The following ANKRD11 variants were observed in gnomAD, a reference collection of about 807,000 sequenced individuals.
ANKRD11 encodes the protein ankyrin repeat domain-containing protein 11.
ANKRD11 carries 17 observed loss-of-function variants against 195.7 expected under a neutral mutation model. That is an observed-to-expected ratio of 0.09 (90% CI 0.06 to 0.13). The LOEUF is 0.13. Among genes scored for constraint, ANKRD11 ranks in the 10% least tolerant of loss-of-function variants. ANKRD11 has a pLI of 1.00. For missense variants in ANKRD11, 3,735 were observed against 3,566.1 expected (o/e 1.05, Z -1.21); for synonymous variants, 1,953 against 1,528.1 (o/e 1.28, Z -6.49).
At chr16:89,437,346 C>A (rs2043257517) in intron 1 of ANKRD11, among the ~76,000 whole-genome samples, 1 of 152,244 alleles carries the variant, frequency 6.6e-6, no homozygotes, top group South Asian at 2.1e-4. Flanking sequence ...TTTGCCCCAA[C>A]ATCTGTTTTC....
intron 1 of ANKRD11, among the ~76,000 whole-genome samples, chr16:89,478,044 A>T (rs897069009): frequency 3.9e-5 from 6 of 152,234 alleles, no homozygotes; most frequent in Non-Finnish European, 5.9e-5. Flanking sequence ...ATGGCTTCAA[A>T]AGAAGCCCAA....
chr16:89,366,369 G>C (rs2039952312), intron 2 of ANKRD11, among the ~76,000 whole-genome samples: 1 of 152,120 alleles, frequency 6.6e-6, no homozygotes, highest in East Asian at 1.9e-4. Flanking sequence ...TGGGTCAAAT[G>C]GTAGTTCTGG....
At chr16:89,483,666 G>A (rs1026586869) in intron 1 of ANKRD11, among the ~76,000 whole-genome samples, 11 of 152,014 alleles carry the variant, frequency 7.2e-5, no homozygotes, top group Non-Finnish European at 1.6e-4. Context: ...CCGTCTCTAC[G>A]AAAAATACAA....
chr16:89,311,398 CACA>C (rs1380403755), intron 3 of ANKRD11, among the ~76,000 whole-genome samples: 2 of 152,194 alleles, frequency 1.3e-5, no homozygotes, highest in Non-Finnish European at 2.9e-5. Context: ...ATAGTACTAA[CACA>C]ACAACTGTCT....
At chr16:89,330,325 G>C (rs937763923) in intron 2 of ANKRD11, among the ~76,000 whole-genome samples, 2 of 152,062 alleles carry the variant, frequency 1.3e-5, no homozygotes, top group African/African-American at 4.8e-5. Context: ...GGGAAGGCTC[G>C]GGAGACCTGG....
At chr16:89,295,487 C>A (rs552488212) in intron 4 of ANKRD11, among the ~76,000 whole-genome samples, 1 of 152,358 alleles carries the variant, frequency 6.6e-6, no homozygotes, top group African/African-American at 2.4e-5. Context: ...GAAGATTCCA[C>A]GGAACCCTCT....
chr16:89,388,462 C>T (rs1369063586), intron 2 of ANKRD11, among the ~76,000 whole-genome samples: 2 of 151,846 alleles, frequency 1.3e-5, no homozygotes, highest in South Asian at 2.1e-4. Context: ...TCTTGAAAAT[C>T]GACACGGAAT....
rs531004745 is a variant in ANKRD11 at position 89,425,664 on chromosome 16, G to C, written c.-144-7296C>G. Among the ~76,000 whole-genome samples the C allele has an allele frequency of 2.4e-3, 369 of 152,154 alleles. 6 individuals carry two copies. In the South Asian group the frequency reaches 0.034, roughly 14 times the overall value. On this transcript the variant is annotated intron_variant, in intron 1 of 12. Coordinates refer to ENST00000301030, the MANE Select transcript of ANKRD11 (RefSeq NM_013275.6). ...CCGGTTATTTCGATTTTTTCGGGCT[G>C]GGGGCAGAGAAGGTGCAGTTATTTG... is the stretch of plus-strand genomic sequence containing the variant.
chr16:89,486,844 T>A (rs1223141903), intron 1 of ANKRD11, among the ~76,000 whole-genome samples: 4 of 151,832 alleles, frequency 2.6e-5, no homozygotes, highest in Admixed American at 1.3e-4. Flanking sequence ...CAGTCTCTAC[T>A]AACAATAAAA....
intron 2 of ANKRD11, among the ~76,000 whole-genome samples, chr16:89,374,954 G>A (rs1005377740): frequency 6.6e-6 from 1 of 152,090 alleles, no homozygotes. Context: ...AGTATGTCAT[G>A]AATGTACAAA....
At chr16:89,300,979 G>A (rs1351690718) in intron 4 of ANKRD11, 9 of 659,208 alleles carry the variant, frequency 1.4e-5, no homozygotes, top group African/African-American at 5.4e-5. Flanking sequence ...AGGGAGAAGC[G>A]AGACTCAGGG....
At chr16:89,278,800 G>A (rs2033896098) in intron 9 of ANKRD11, 1 of 641,868 alleles carries the variant, frequency 1.6e-6, no homozygotes, top group Non-Finnish European at 2.9e-6. Flanking sequence ...ACACGAGTGG[G>A]ACCGGGGTGC....
intron 2 of ANKRD11, among the ~76,000 whole-genome samples, chr16:89,325,443 C>CCCTCT (rs1277178881): frequency 1.9e-3 from 245 of 129,188 alleles, no homozygotes; most frequent in African/African-American, 7.4e-3. Flanking sequence ...CTCCCCTCTC[C>CCCTCT]CCTCTCCTCT....
rs1597515379 is a variant in ANKRD11 at position 89,298,604 on chromosome 16, C to T, written c.226+6602G>A. Reference sequence around the variant, plus strand: ...CCACCTTTATCCTGAGTCCCGGGGTCCTCCATCAAATCGCTGAGCCTCGGG... The same window carrying T: ...CCACCTTTATCCTGAGTCCCGGGGTTCTCCATCAAATCGCTGAGCCTCGGG... On this transcript the variant is annotated intron_variant, in intron 4 of 12. Coordinates refer to ENST00000301030, the MANE Select transcript of ANKRD11 (RefSeq NM_013275.6). 2.0e-5 allele frequency among the ~76,000 whole-genome samples: 3 copies of T among 152,222 alleles called. No individual in the cohort carries two copies. The South Asian group carries it at 6.2e-4, about 31-fold the overall frequency.
chr16:89,462,245 G>A (rs1168728435), intron 1 of ANKRD11, among the ~76,000 whole-genome samples: 3 of 152,204 alleles, frequency 2.0e-5, no homozygotes, highest in African/African-American at 7.2e-5. Flanking sequence ...ACGCCTGACT[G>A]GTTTTGGTGG....
intron 2 of ANKRD11, among the ~76,000 whole-genome samples, chr16:89,396,814 G>A (rs2041455906): frequency 6.6e-6 from 1 of 152,112 alleles, no homozygotes; most frequent in Non-Finnish European, 1.5e-5. Context: ...AGCCTCCCGA[G>A]TAGCTGGGAC....
At chr16:89,332,280 C>G (rs2038105836) in intron 2 of ANKRD11, among the ~76,000 whole-genome samples, 1 of 152,134 alleles carries the variant, frequency 6.6e-6, no homozygotes, top group African/African-American at 2.4e-5. Context: ...AACTAAAAAC[C>G]CAACTCATGA....
At chr16:89,347,537 GGA>G in intron 2 of ANKRD11, among the ~76,000 whole-genome samples, 1 of 151,744 alleles carries the variant, frequency 6.6e-6, no homozygotes, top group East Asian at 1.9e-4. Flanking sequence ...CGTGAACCTG[GGA>G]GATGGAGGTT....
Position 89,282,138 on chromosome 16 carries a change from T to C in ANKRD11, c.4404A>G (p.Lys1468=), listed in dbSNP as rs745469592. The C allele has an allele frequency of 7.2e-5, 117 of 1,613,908 alleles. No individual in the cohort carries two copies. The South Asian group carries it at 8.1e-4, about 11-fold the overall frequency. ...GGTGCCTCTCCTTCTCGTCTCTCCA[T>C]TTCTCCCTGTGTTTCTCTCTCTTCT... The part of the protein sequence containing the change: ...EKKKREKHRE[K]WRDEKERHRD... The change falls in exon 9 of 13, where the codon AAA becomes AAG. Residue 1468 remains lysine (K), a synonymous_variant. Coordinates refer to ENST00000301030, the MANE Select transcript of ANKRD11 (RefSeq NM_013275.6).
Sources: allele counts gnomAD v4.1 joint callset (sites outside exome capture counted in the v4.1 genomes callset), GRCh38; gene constraint gnomAD v4.1.1; transcripts MANE v1.5; gene names NCBI Gene and HGNC (gene_info 2026-07-23, HGNC 2026-07-21).